The following SHC2 variants were observed in gnomAD, a reference collection of about 807,000 sequenced individuals.
The protein encoded by SHC2 is SHC adaptor protein 2, also known as SHC-transforming protein 2.
SHC2 carries 62 observed loss-of-function variants against 60.6 expected under a neutral mutation model. The observed-to-expected ratio is 1.02, with a 90% CI of 0.83 to 1.26. The LOEUF (loss-of-function observed/expected upper bound fraction) is 1.26, where lower values mean the gene tolerates loss of function less well. Among genes scored for constraint, SHC2 ranks in the 50% most tolerant of loss-of-function variants. The pLI is 0.00. For missense variants in SHC2, 873 were observed against 822.2 expected (o/e 1.06, Z -0.76); for synonymous variants, 375 against 372.4 (o/e 1.01, Z -0.08).
Position 438,729 on chromosome 19 carries a change from C to G in SHC2, c.709G>C (p.Ala237Pro), listed in dbSNP as rs1474691040. The change falls in exon 4 of 13, where the codon GCC (alanine) becomes CCC (proline). Residue 237 changes from alanine (A) to proline (P), a missense_variant. Transcript: ENST00000264554. This position sits in a 1 kb window ranked among gnomAD's most constrained non-coding sequence, Gnocchi z 5.0. The part of the protein sequence containing the change: ...STDGLSLSVP[A>P]TRQVIANHHM... Reference sequence around the variant, plus strand: ...GAGGGCAGACCCACCTGGCGCGTGGCAGGCACGGAGAGGCTGAGGCCATCA... The same window carrying G: ...GAGGGCAGACCCACCTGGCGCGTGGGAGGCACGGAGAGGCTGAGGCCATCA... The G allele has an allele frequency of 1.3e-6, 2 of 1,561,348 alleles. No individual in the cohort carries two copies. Among genetic ancestry groups the G allele is most frequent in the Non-Finnish European group, 1.7e-6 (2 of 1,153,876 alleles).
chr19:438,693 C>T lies in SHC2; in HGVS notation c.720+25G>A, dbSNP rs775577990. Reference sequence around the variant, plus strand: ...CCTGGCCCCTCTGGGGGTCTGGGGACGCCAGGCGAAGAGGGCAGACCCACC... The same window carrying T: ...CCTGGCCCCTCTGGGGGTCTGGGGATGCCAGGCGAAGAGGGCAGACCCACC... On this transcript the variant is annotated intron_variant, in intron 4 of 12. Coordinates refer to ENST00000264554, the MANE Select transcript of SHC2 (RefSeq NM_012435.3). This position sits in a 1 kb window ranked among gnomAD's most constrained non-coding sequence, Gnocchi z 5.0. 1.1e-4 allele frequency: 165 copies of T among 1,545,228 alleles called. No individual in the cohort carries two copies. Among genetic ancestry groups the T allele is most frequent in the Admixed American group, 2.2e-4 (11 of 50,724 alleles).
At position 425,004 on chromosome 19, in the gene SHC2, G is replaced by A. The variant is rs1292549462; in HGVS notation, c.1309+93C>T. ...AAGGGAGCCTCCCCCATCAGACCAG[G>A]GAATCCCGTAGGGAGTGGGGGTGGG... On this transcript the variant is annotated intron_variant, in intron 10 of 12. Transcript: ENST00000264554. This position sits in a 1 kb window ranked among gnomAD's most constrained non-coding sequence, Gnocchi z 4.1. 3.2e-6 allele frequency: 4 copies of A among 1,269,170 alleles called. No homozygotes were observed. The African/African-American group carries it at 6.1e-5, about 19-fold the overall frequency. 78.6% of individuals were successfully genotyped at this position (1,269,170 alleles called of 1,614,324 possible).
chr19:440,826 C>T lies in SHC2; in HGVS notation c.539+36G>A. On this transcript the variant is annotated intron_variant, in intron 2 of 12. Coordinates refer to ENST00000264554, the MANE Select transcript of SHC2 (RefSeq NM_012435.3). This position sits in a 1 kb window ranked among gnomAD's most constrained non-coding sequence, Gnocchi z 7.0. ...TGCTGCCGCCCTCCAGTGCGTCACT[C>T]AGCCCTACGCGGCCAGGGCAGGGTT... 3 of 1,586,996 alleles carry T rather than the reference C, an allele frequency of 1.9e-6. No individual in the cohort carries two copies. Among genetic ancestry groups the T allele is most frequent in the Non-Finnish European group, 2.6e-6 (3 of 1,156,698 alleles).
chr19:429,662 C>T (rs12978002), intron 9 of SHC2, among the ~76,000 whole-genome samples: 5 of 75,058 alleles, frequency 6.7e-5, no homozygotes. Context: ...ACGGAAATCT[C>T]ATACCGTGTG....
Position 436,264 on chromosome 19 carries a change from C to G in SHC2, c.854G>C (p.Gly285Ala). The G allele has an allele frequency of 6.3e-7, 1 of 1,595,506 alleles. No individual in the cohort carries two copies. The highest frequency in any genetic ancestry group is 1.8e-5 in the Admixed American group (1 of 56,912). The change falls in exon 7 of 13, where the codon GGC (glycine) becomes GCC (alanine). Residue 285 changes from glycine (G) to alanine (A), a missense_variant. Gly to Ala is a moderately conservative substitution (Grantham distance 60). Coordinates refer to ENST00000264554, the MANE Select transcript of SHC2 (RefSeq NM_012435.3). ...GGTGCTGATGATGCTCTGTGCCAGG[C>G]CCTCACAGCACTCCAGGATGTGGCA... ...RACHILECCE[G>A]LAQSIISTVG...
chr19:451,377 TG>T (rs35321072), intron 1 of SHC2, among the ~76,000 whole-genome samples: 87,909 of 150,456 alleles, frequency 0.58, 28,105 homozygotes, highest in African/African-American at 0.88. Flanking sequence ...GGCCACGCCG[TG>T]GGCCACGTCG....
rs561121586 is a variant in SHC2, at chr19:420,736, G to A, written c.1620+1410C>T. 5.9e-5 allele frequency among the ~76,000 whole-genome samples: 9 copies of A among 152,314 alleles called. No homozygotes were observed. In the South Asian group the frequency reaches 6.2e-4, roughly 11 times the overall value. ...ACTCTAGAGATATCAAAATTCAGGC[G>A]GGGAGAGTGTATATCTTAGAACTGA... On this transcript the variant is annotated intron_variant, in intron 11 of 12. Transcript: ENST00000264554.
In SHC2 at chr19:425,367, C is replaced by T; in HGVS notation, c.1175-136G>A. 1.4e-6 allele frequency: 1 copy of T among 717,454 alleles called. No individual in the cohort carries two copies. Among genetic ancestry groups the T allele is most frequent in the Non-Finnish European group, 1.9e-6 (1 of 517,224 alleles). The allele number at this position is 717,454 out of a possible 1,614,324, so 44.4% of individuals were successfully genotyped here. On this transcript the variant is annotated intron_variant, in intron 9 of 12. Coordinates refer to ENST00000264554, the MANE Select transcript of SHC2 (RefSeq NM_012435.3). This position sits in a 1 kb window ranked among gnomAD's most constrained non-coding sequence, Gnocchi z 4.1. The stretch of plus-strand genomic sequence containing the variant: ...GCTGCAGGGCGGATGCTGCTCTGGT[C>T]TCCCTGTGGTAACCCGCCCGTCTGC...
chr19:418,106 C>T (rs972970813), intron 12 of SHC2, among the ~76,000 whole-genome samples: 1 of 152,196 alleles, frequency 6.6e-6, no homozygotes, highest in Non-Finnish European at 1.5e-5. Context: ...CCTCCGTCCA[C>T]ACCCTACCAT....
intron 12 of SHC2, among the ~76,000 whole-genome samples, chr19:417,808 C>G (rs554199384): frequency 6.6e-6 from 1 of 152,076 alleles, no homozygotes; most frequent in African/African-American, 2.4e-5. Flanking sequence ...GCCTGCAGCC[C>G]GAGGCCTGGC....
intron 8 of SHC2, among the ~76,000 whole-genome samples, chr19:433,124 G>A (rs1974623496): frequency 4.4e-4 from 1 of 2,298 alleles, no homozygotes; most frequent in Non-Finnish European, 6.6e-4. Context: ...CATCGTGAGT[G>A]AGATCGTGAG....
intron 1 of SHC2, among the ~76,000 whole-genome samples, chr19:449,240 G>A (rs1975119593): frequency 6.6e-6 from 1 of 152,080 alleles, no homozygotes; most frequent in Admixed American, 6.5e-5. Flanking sequence ...AGCAGCCTGG[G>A]AGGTCTCAGC....
chr19:416,670 G>C lies in SHC2; in HGVS notation c.*658C>G, dbSNP rs1974159644. ...GACAGCTGGGAGGGCAGGACTGGGGGGAAGCTGCTGGGCGCAGCCCAGGCC... is the reference window on the plus strand; with the variant it reads ...GACAGCTGGGAGGGCAGGACTGGGGCGAAGCTGCTGGGCGCAGCCCAGGCC... On this transcript the variant is annotated 3_prime_UTR_variant, in exon 13 of 13. Coordinates refer to ENST00000264554, the MANE Select transcript of SHC2 (RefSeq NM_012435.3). 3 of 152,212 alleles carry C rather than the reference G, an allele frequency of 2.0e-5. No homozygotes were observed. The highest frequency in any genetic ancestry group is 2.0e-4 in the Admixed American group (3 of 15,286). 9.4% of individuals were successfully genotyped at this position (152,212 alleles called of 1,614,324 possible).
In SHC2 at chr19:457,633, C is replaced by T. The variant is rs561352887; in HGVS notation, c.468+2896G>A. On this transcript the variant is annotated intron_variant, in intron 1 of 12. Coordinates refer to ENST00000264554, the MANE Select transcript of SHC2 (RefSeq NM_012435.3). The stretch of plus-strand genomic sequence containing the variant: ...TTGTCTACTCATCATCTGTGCCGGG[C>T]AGGGGAAGCGTATGCTAAATATTTC... Among the ~76,000 whole-genome samples the T allele has an allele frequency of 4.6e-5, 7 of 152,278 alleles. No individual in the cohort carries two copies. The South Asian group carries it at 1.2e-3, about 27-fold the overall frequency.
At chr19:435,977 G>T in intron 7 of SHC2, 188 bp downstream of exon 7, 1 of 609,776 alleles carries the variant, frequency 1.6e-6, no homozygotes, top group South Asian at 2.1e-5. Context: ...GGGCAGGCGG[G>T]GATGCGTTTA....
chr19:428,687 G>A (rs998236895), intron 9 of SHC2, among the ~76,000 whole-genome samples: 2 of 152,244 alleles, frequency 1.3e-5, no homozygotes, highest in Non-Finnish European at 2.9e-5. Context: ...AGGTATGAAA[G>A]AGATTGCTCA....
At chr19:423,618 C>T (rs150333314) in intron 10 of SHC2, among the ~76,000 whole-genome samples, 6 of 129,286 alleles carry the variant, frequency 4.6e-5, no homozygotes, top group South Asian at 4.0e-4. Flanking sequence ...GGGGTCCTCC[C>T]GCCCTGACCC....
chr19:431,236 G>C (rs956560226), intron 8 of SHC2, among the ~76,000 whole-genome samples: 2 of 152,262 alleles, frequency 1.3e-5, no homozygotes, highest in African/African-American at 4.8e-5. Context: ...ATGCCACCTC[G>C]TCTAATGTGT....
In SHC2 at chr19:446,547, G is replaced by A. The variant is rs1166263844; in HGVS notation, c.469-5615C>T. Among the ~76,000 whole-genome samples the A allele has an allele frequency of 6.6e-6, 1 of 152,090 alleles. No homozygotes were observed. The highest frequency in any genetic ancestry group is 1.5e-5 in the Non-Finnish European group (1 of 68,014). ...GCTGGTCTCGATCTCTTGACCTTGTGATCCGCCTCGGTCTCCCAAAGTGCT... is the reference window on the plus strand; with the variant it reads ...GCTGGTCTCGATCTCTTGACCTTGTAATCCGCCTCGGTCTCCCAAAGTGCT... On this transcript the variant is annotated intron_variant, in intron 1 of 12. Transcript: ENST00000264554. This position sits in a 1 kb window ranked among gnomAD's most constrained non-coding sequence, Gnocchi z 5.4.
Sources: gnomAD v4.1 joint callset for allele counts (sites outside exome capture counted in the v4.1 genomes callset) on GRCh38, gnomAD v4.1.1 for gene constraint, Gnocchi (gnomAD v3.1) non-coding constraint, MANE v1.5 for transcripts, NCBI Gene and HGNC (gene_info 2026-07-23, HGNC 2026-07-21) for gene names.